ASTN1: variants seen among roughly 807,000 people sequenced by gnomAD.
ASTN1 encodes the protein astrotactin 1, also known as astrotactin-1.
Under a neutral mutation model 140.7 loss-of-function variants are expected in ASTN1, and 41 were observed. The observed-to-expected ratio is 0.29, with a 90% CI of 0.23 to 0.38. The LOEUF is 0.38. Among genes scored for constraint, ASTN1 ranks in the 10% least tolerant of loss-of-function variants. The pLI, the probability that ASTN1 is intolerant of heterozygous loss-of-function variation, is 1.00. For synonymous variants in ASTN1, 640 were observed against 652.2 expected (o/e 0.98, Z 0.29); for missense variants, 1,479 against 1,678.8 (o/e 0.88, Z 2.08).
At chr1:176,929,125 T>A (rs968393786) in intron 16 of ASTN1, among the ~76,000 whole-genome samples, 1 of 152,162 alleles carries the variant, frequency 6.6e-6, no homozygotes, top group African/African-American at 2.4e-5. Context: ...TTGGGGTAGG[T>A]AGCAGTCAGT....
At chr1:176,941,737 A>T (rs1315963486) in intron 14 of ASTN1, among the ~76,000 whole-genome samples, 2 of 152,158 alleles carry the variant, frequency 1.3e-5, no homozygotes, top group Non-Finnish European at 2.9e-5. Context: ...CTCCACCATA[A>T]GTTATATTGT....
chr1:176,883,878 G>C (rs914569708), intron 19 of ASTN1, among the ~76,000 whole-genome samples: 1 of 152,150 alleles, frequency 6.6e-6, no homozygotes, highest in African/African-American at 2.4e-5. Flanking sequence ...AAAGCAGTTT[G>C]CTTCAGGAAA....
intron 1 of ASTN1, among the ~76,000 whole-genome samples, chr1:177,095,321 A>T (rs572708982): frequency 2.6e-5 from 4 of 152,150 alleles, no homozygotes; most frequent in Non-Finnish European, 5.9e-5. Context: ...TCATAAGGAG[A>T]TTAGTATGGA....
chr1:177,074,422 C>T (rs1678790876), intron 1 of ASTN1, among the ~76,000 whole-genome samples: 1 of 152,124 alleles, frequency 6.6e-6, no homozygotes, highest in African/African-American at 2.4e-5. Context: ...CTATCAAAAG[C>T]TTTTTAAAAA....
intron 8 of ASTN1, among the ~76,000 whole-genome samples, chr1:177,004,709 A>G (rs961410346): frequency 2.0e-5 from 3 of 152,164 alleles, no homozygotes; most frequent in African/African-American, 7.2e-5. Flanking sequence ...CAAAACACAC[A>G]AAAACAAAAA....
chr1:177,088,074 C>G (rs781742380), intron 1 of ASTN1, among the ~76,000 whole-genome samples: 6 of 152,116 alleles, frequency 3.9e-5, no homozygotes, highest in Non-Finnish European at 7.4e-5. Flanking sequence ...CCTTCAACTC[C>G]GGTGATAGTG....
intron 20 of ASTN1, among the ~76,000 whole-genome samples, chr1:176,880,577 C>A (rs1196993104): frequency 6.6e-6 from 1 of 152,154 alleles, no homozygotes; most frequent in East Asian, 1.9e-4. Context: ...AGGAGTTCTT[C>A]GCTGTTTTTG....
intron 1 of ASTN1, among the ~76,000 whole-genome samples, chr1:177,097,349 T>A (rs1680074118): frequency 6.6e-6 from 1 of 152,178 alleles, no homozygotes; most frequent in African/African-American, 2.4e-5. Context: ...AACCTAATGA[T>A]TCCAGCTCCC....
intron 2 of ASTN1, among the ~76,000 whole-genome samples, chr1:177,054,501 G>T (rs1017366411): frequency 6.6e-6 from 1 of 152,218 alleles, no homozygotes; most frequent in South Asian, 2.1e-4. Context: ...TGACCTGTGC[G>T]TGGAGCAGGA....
At chr1:177,071,499 C>T (rs920178418) in intron 1 of ASTN1, among the ~76,000 whole-genome samples, 1 of 152,204 alleles carries the variant, frequency 6.6e-6, no homozygotes, top group African/African-American at 2.4e-5. Context: ...AGAAGTACTG[C>T]ACTCAAGTAC....
intron 16 of ASTN1, among the ~76,000 whole-genome samples, chr1:176,912,959 C>G (rs1670313235): frequency 6.6e-6 from 1 of 152,156 alleles, no homozygotes; most frequent in East Asian, 1.9e-4. Flanking sequence ...GAACAGCCTT[C>G]TAGCATTTGT....
At chr1:177,105,625 G>C (rs933098747) in intron 1 of ASTN1, among the ~76,000 whole-genome samples, 9 of 151,016 alleles carry the variant, frequency 6.0e-5, no homozygotes, top group Admixed American at 4.0e-4. Context: ...TAGGCTGGAA[G>C]AGACAATATG....
chr1:176,929,603 G>A (rs1050423749), intron 16 of ASTN1, among the ~76,000 whole-genome samples: 2 of 152,236 alleles, frequency 1.3e-5, no homozygotes, highest in Non-Finnish European at 2.9e-5. Context: ...ATTTGTTACA[G>A]CAGCCACAGA....
At chr1:177,062,410 T>G (rs1319358261) in intron 1 of ASTN1, among the ~76,000 whole-genome samples, 1 of 151,928 alleles carries the variant, frequency 6.6e-6, no homozygotes, top group Non-Finnish European at 1.5e-5. Context: ...TCAGCTAATT[T>G]GTTTTTTTAT....
At chr1:176,990,172 G>C (rs1344779985) in intron 8 of ASTN1, among the ~76,000 whole-genome samples, 3 of 116,552 alleles carry the variant, frequency 2.6e-5, no homozygotes, top group African/African-American at 1.0e-4. Flanking sequence ...CCAAGGAGCG[G>C]CTTTTTATCT....
chr1:177,143,715 C>T (rs1682574052), intron 1 of ASTN1, among the ~76,000 whole-genome samples: 2 of 152,154 alleles, frequency 1.3e-5, no homozygotes, highest in Admixed American at 6.5e-5. Flanking sequence ...AGAGACAAAA[C>T]GAATGAAATC....
intron 20 of ASTN1, among the ~76,000 whole-genome samples, chr1:176,878,620 GC>G (rs1668661965): frequency 6.6e-6 from 1 of 152,002 alleles, no homozygotes; most frequent in African/African-American, 2.4e-5. Flanking sequence ...TATCTGACCA[GC>G]CCCGTGTAGA....
At chr1:176,972,616 T>G (rs1202086979) in intron 8 of ASTN1, among the ~76,000 whole-genome samples, 4 of 152,150 alleles carry the variant, frequency 2.6e-5, no homozygotes, top group Non-Finnish European at 5.9e-5. Flanking sequence ...CTCCTGCCTG[T>G]GCTCTCCAAA....
chr1:177,158,605 A>G (rs1336361106), intron 1 of ASTN1, among the ~76,000 whole-genome samples: 1 of 151,742 alleles, frequency 6.6e-6, no homozygotes, highest in African/African-American at 2.4e-5. Flanking sequence ...GTGAGAAACT[A>G]CTAGCCTTTT....
Sources: gnomAD v4.1 joint callset for allele counts (sites outside exome capture counted in the v4.1 genomes callset) on GRCh38, gnomAD v4.1.1 for gene constraint, MANE v1.5 for transcripts, NCBI Gene and HGNC (gene_info 2026-07-23, HGNC 2026-07-21) for gene names.